Variants in PLCXD1 observed in about 807,000 individuals in gnomAD.
PLCXD1 encodes the protein PI-PLC X domain-containing protein 1.
Under a neutral mutation model 37.8 loss-of-function variants are expected in PLCXD1, and 45 were observed. The ratio of observed to expected loss-of-function variants is 1.19; its 90% CI spans 0.94 to 1.53. The LOEUF is 1.53. Among genes scored for constraint, PLCXD1 ranks in the 40% most tolerant of loss-of-function variants. PLCXD1 has a pLI of 0.00. For missense variants in PLCXD1, 539 were observed against 454.7 expected, an observed-to-expected ratio of 1.19 and a Z score of -1.69; for synonymous variants, 246 against 206.9, an observed-to-expected ratio of 1.19 and a Z score of -1.62.
rs146939120 is a variant in PLCXD1, at chrX:284,272, C to A, written c.85C>A (p.Pro29Thr). The A allele has an allele frequency of 2.5e-6, 4 of 1,613,552 alleles. No individual in the cohort carries two copies. The highest frequency in any genetic ancestry group is 4.5e-5 in the East Asian group (2 of 44,888). Residue 29 changes from proline to threonine, a missense_variant, in exon 2 of 7, where the codon CCC (proline) becomes ACC (threonine). Coordinates refer to ENST00000381657, the MANE Select transcript of PLCXD1 (RefSeq NM_018390.4). ...ANEDWMSALCPRLWDVPLHHL... is the reference protein window; with the variant it reads ...ANEDWMSALCTRLWDVPLHHL... ...CGAGGACTGGATGTCGGCACTGTGT[C>A]CCCGGCTCTGGGATGTGCCCCTCCA...
Position 281,544 on chromosome X carries a change from G to T in PLCXD1, c.-162G>T, listed in dbSNP as rs2124299627. 6.6e-6 allele frequency: 1 copy of T among 152,406 alleles called. No individual in the cohort carries two copies. The highest frequency in any genetic ancestry group is 2.1e-4 in the South Asian group (1 of 4,838). 9.4% of individuals were successfully genotyped at this position (152,406 alleles called of 1,614,324 possible). ...CAGCAGGATTATTACAGAACCTTGT[G>T]AAGCCAACGCGGGCAGCCGCCAGGA... On this transcript the variant is annotated 5_prime_UTR_variant, in exon 1 of 7. Coordinates refer to ENST00000381657, the MANE Select transcript of PLCXD1 (RefSeq NM_018390.4).
At position 301,510 on chromosome X, in the gene PLCXD1, C is replaced by T. The variant is rs2070015434; in HGVS notation, c.*2175C>T. 6.6e-6 allele frequency: 1 copy of T among 152,306 alleles called. No homozygotes were observed. The highest frequency in any genetic ancestry group is 1.9e-4 in the East Asian group (1 of 5,176). The allele number at this position is 152,306 out of a possible 1,614,324, so 9.4% of individuals were successfully genotyped here. The stretch of plus-strand genomic sequence containing the variant: ...GGCTGGTGTGTAGTAGGGGCACAGT[C>T]ATAGCTCACTGTAACCTTCAACGCC... On this transcript the variant is annotated 3_prime_UTR_variant, in exon 7 of 7. Coordinates refer to ENST00000381657, the MANE Select transcript of PLCXD1 (RefSeq NM_018390.4).
At position 284,202 on chromosome X, in the gene PLCXD1, G is replaced by A. The variant is rs1250285956; in HGVS notation, c.15G>A (p.Val5=). ...GCTCACCTCTGATGGGTGGGCAGGT[G>A]AGCGCTTCCAACAGCTTCTCGAGGC... MGGQ[V]SASNSFSRLH... The change falls in exon 2 of 7, where the codon GTG becomes GTA. Residue 5 remains valine, a synonymous_variant. Transcript: ENST00000381657. 1 of 1,613,256 alleles carries A rather than the reference G, an allele frequency of 6.2e-7. No individual in the cohort carries two copies. The highest frequency in any genetic ancestry group is 8.5e-7 in the Non-Finnish European group (1 of 1,179,836).
chrX:278,505 A>T (rs894117500), upstream of PLCXD1, among the ~76,000 whole-genome samples: 11 of 151,994 alleles, frequency 7.2e-5, no homozygotes, highest in Non-Finnish European at 2.9e-5. Flanking sequence ...TTGGGAGGCC[A>T]AGGCGGGCAG....
intron 5 of PLCXD1, 112 bp downstream of exon 5, chrX:291,766 T>A: frequency 8.1e-7 from 1 of 1,238,612 alleles, no homozygotes; most frequent in Non-Finnish European, 1.2e-6. Context: ...CTGTAGCAGG[T>A]GAAGCCGTCG....
rs192307511 is a variant in PLCXD1 at position 291,185 on chromosome X, G to A, written c.394-314G>A. Among the ~76,000 whole-genome samples, 112 of 149,364 alleles carry A rather than the reference G, an allele frequency of 7.5e-4. 1 individual carries two copies. The highest frequency in any genetic ancestry group is 2.7e-3 in the African/African-American group (109 of 40,540). The stretch of plus-strand genomic sequence containing the variant: ...TTTGGAGATGGAGTCTTGCTGTGTC[G>A]CCCAGGCTGGAGTGCAGTGGTGCAA... On this transcript the variant is annotated intron_variant, in intron 4 of 6. Transcript: ENST00000381657.
At chrX:284,378 G>A (rs2069377980) in intron 2 of PLCXD1, 64 bp downstream of exon 2, 2 of 1,591,268 alleles carry the variant, frequency 1.3e-6, no homozygotes, top group Admixed American at 3.4e-5. Context: ...TGGGGCGGGA[G>A]CTGTGGCGTC....
chrX:298,275 G>A (rs2069875281), intron 6 of PLCXD1, among the ~76,000 whole-genome samples: 2 of 22,386 alleles, frequency 8.9e-5, no homozygotes, highest in Non-Finnish European at 1.9e-4. Context: ...TTAGGACGTG[G>A]ACATCTTTGG....
intron 2 of PLCXD1, among the ~76,000 whole-genome samples, chrX:284,552 G>A (rs2069383206): frequency 6.6e-6 from 1 of 150,752 alleles, no homozygotes; most frequent in Admixed American, 6.7e-5. Context: ...ACACAGGCAT[G>A]CACACATGTG....
chrX:284,775 T>TCA (rs35545254), intron 2 of PLCXD1, among the ~76,000 whole-genome samples: 99,371 of 151,888 alleles, frequency 0.65, 32,832 homozygotes, highest in Non-Finnish European at 0.7. Context: ...TTTAATGGAC[T>TCA]CAGTTCCACC....
intron 2 of PLCXD1, among the ~76,000 whole-genome samples, chrX:285,778 C>G (rs1390635333): frequency 6.6e-6 from 1 of 152,106 alleles, no homozygotes; most frequent in Admixed American, 6.6e-5. Flanking sequence ...TACGTATTGT[C>G]AACCTAAGGA....
intron 5 of PLCXD1, among the ~76,000 whole-genome samples, chrX:292,801 T>C (rs897123132): frequency 1.3e-4 from 19 of 150,606 alleles, no homozygotes; most frequent in African/African-American, 4.2e-4. Flanking sequence ...TTAGTAGAGA[T>C]GGGGTTTCAC....
chrX:285,618 G>A (rs952773736), intron 2 of PLCXD1, among the ~76,000 whole-genome samples: 3 of 150,420 alleles, frequency 2.0e-5, no homozygotes, highest in Non-Finnish European at 4.4e-5. Context: ...CGTGTACACA[G>A]GCACACATGC....
intron 6 of PLCXD1, among the ~76,000 whole-genome samples, 160 bp from the exon 7 acceptor site, chrX:298,937 A>C (rs1357367779): frequency 6.6e-6 from 1 of 152,116 alleles, no homozygotes; most frequent in Non-Finnish European, 1.5e-5. Flanking sequence ...TCTACTGCCC[A>C]CCACGCTTTA....
chrX:291,607 G>A lies in PLCXD1; in HGVS notation c.502G>A (p.Val168Ile). Reference sequence around the variant, plus strand: ...GAGCGAGGACCTGCACGAGTACCTGGTCGCCTGTATCAAGAACATCTTCGG... The same window carrying A: ...GAGCGAGGACCTGCACGAGTACCTGATCGCCTGTATCAAGAACATCTTCGG... ...GLSEDLHEYL[V>I]ACIKNIFGDM... Residue 168 changes from valine to isoleucine, a missense_variant, in exon 5 of 7, where the codon GTC (valine) becomes ATC (isoleucine). By Grantham distance (29) the Val-to-Ile change is conservative (BLOSUM62 3). Coordinates refer to ENST00000381657, the MANE Select transcript of PLCXD1 (RefSeq NM_018390.4). 6.2e-7 allele frequency: 1 copy of A among 1,613,026 alleles called. No homozygotes were observed. Among genetic ancestry groups the A allele is most frequent in the African/African-American group, 1.3e-5 (1 of 75,022 alleles).
At chrX:296,772 A>G (rs1429374204) in intron 6 of PLCXD1, among the ~76,000 whole-genome samples, 1 of 152,114 alleles carries the variant, frequency 6.6e-6, no homozygotes, top group East Asian at 1.9e-4. Flanking sequence ...TTGGGGCCAT[A>G]TTATTCTGTC....
At chrX:296,702 G>C (rs2069819418) in intron 6 of PLCXD1, among the ~76,000 whole-genome samples, 1 of 152,244 alleles carries the variant, frequency 6.6e-6, no homozygotes, top group Admixed American at 6.5e-5. Context: ...CACAGACTTA[G>C]TGCCCAAGAC....
chrX:287,973 C>T (rs146989172), intron 2 of PLCXD1, among the ~76,000 whole-genome samples: 4,060 of 152,174 alleles, frequency 0.027, 86 homozygotes, highest in Middle Eastern at 0.058. Context: ...CAGGACCACA[C>T]GTCCTCCTGA....
In PLCXD1 at chrX:303,115, T is replaced by G. The variant is rs1485402322; in HGVS notation, c.*3780T>G. On this transcript the variant is annotated 3_prime_UTR_variant, in exon 7 of 7. Coordinates refer to ENST00000381657, the MANE Select transcript of PLCXD1 (RefSeq NM_018390.4). ...TCCGCTTCTACTTTTGGTACCCGGT[T>G]GCTACGGTGAAATGAAGGTGCCCCG... The G allele has an allele frequency of 6.6e-6, 1 of 152,176 alleles. No individual in the cohort carries two copies. Among genetic ancestry groups the G allele is most frequent in the Non-Finnish European group, 1.5e-5 (1 of 68,048 alleles). The allele number at this position is 152,176 out of a possible 1,614,324, so 9.4% of individuals were successfully genotyped here.
Sources: gnomAD v4.1 joint callset for allele counts (sites outside exome capture counted in the v4.1 genomes callset) on GRCh38, gnomAD v4.1.1 for gene constraint, MANE v1.5 for transcripts, NCBI Gene and HGNC (gene_info 2026-07-23, HGNC 2026-07-21) for gene names.